The following REXO4 variants were observed in gnomAD, a reference collection of about 807,000 sequenced individuals.
REXO4 encodes the protein RNA exonuclease 4, also known as REX4 homolog, 3'-5' exonuclease.
Under a neutral mutation model 39.9 loss-of-function variants are expected in REXO4, and 29 were observed. The ratio of observed to expected loss-of-function variants is 0.73; its 90% CI spans 0.54 to 0.99. The LOEUF (loss-of-function observed/expected upper bound fraction) is 0.99, where lower values mean the gene tolerates loss of function less well. Ranked by LOEUF, REXO4 falls within the 50% of genes least tolerant of loss-of-function variation. The pLI, the probability that REXO4 is intolerant of heterozygous loss-of-function variation, is 0.00. For missense variants in REXO4, 524 were observed against 546.5 expected (o/e 0.96, Z 0.41); for synonymous variants, 184 against 206.2 (o/e 0.89, Z 0.92).
rs181343226 is a variant in REXO4 at position 133,406,834 on chromosome 9, C to T, written c.*119G>A. ...TTCTCAGTAGCACCACGCCACGCCC[C>T]TCTGCCATGATTCTGAAAAGGTTTC... On this transcript the variant is annotated 3_prime_UTR_variant, in exon 8 of 8. Coordinates refer to ENST00000371942, the MANE Select transcript of REXO4 (RefSeq NM_020385.4). The T allele has an allele frequency of 2.6e-5, 38 of 1,475,160 alleles. No homozygotes were observed. The African/African-American group carries it at 5.1e-4, about 20-fold the overall frequency. 91.4% of individuals were successfully genotyped at this position (1,475,160 alleles called of 1,614,324 possible). A position where few individuals can be genotyped will look rare whatever the true frequency, so the allele number is the denominator to read the frequency against.
chr9:133,414,575 C>T (rs782478088), intron 2 of REXO4, 90 bp downstream of exon 2: 2 of 1,106,462 alleles, frequency 1.8e-6, no homozygotes, highest in South Asian at 2.5e-5. Flanking sequence ...GATGGAGAGA[C>T]TGCGGTGAGG....
rs587767377 is a variant in REXO4, at chr9:133,406,930, G to A, written c.*23C>T. 1.9e-6 allele frequency: 3 copies of A among 1,604,424 alleles called. No individual in the cohort carries two copies. Among genetic ancestry groups the A allele is most frequent in the East Asian group, 2.2e-5 (1 of 44,746 alleles). On this transcript the variant is annotated 3_prime_UTR_variant, in exon 8 of 8. Transcript: ENST00000371942. ...GTCACATTGCCTCTGTAGCGGGGCG[G>A]CAGCAGCAGCAGGGCAGGACTGCTA...
Position 133,410,985 on chromosome 9 carries a change from C to G in REXO4, c.999G>C (p.Lys333Asn). The change falls in exon 5 of 8, where the codon AAG (lysine) becomes AAC (asparagine). Residue 333 changes from lysine (K) to asparagine (N), a missense_variant and splice_region_variant. Lys to Asn is a moderately conservative substitution (Grantham distance 94). Transcript: ENST00000371942. ...LVGHALHNDL[K>N]VLFLDHPKKK... ...GAGTCCCCAGGAGAGAGCCCAGTAC[C>G]TTTAGGTCATTATGCAGAGCGTGCC... The G allele has an allele frequency of 6.2e-7, 1 of 1,613,566 alleles. No individual in the cohort carries two copies.
At position 133,412,801 on chromosome 9, in the gene REXO4, G is replaced by A. The variant is rs377178139; in HGVS notation, c.693C>T (p.Leu231=). The A allele has an allele frequency of 5.0e-6, 8 of 1,613,240 alleles. No homozygotes were observed. The African/African-American group carries it at 6.7e-5, about 13-fold the overall frequency. Residue 231 remains leucine, a synonymous_variant, in exon 3 of 8, where the codon CTC becomes CTT. Coordinates refer to ENST00000371942, the MANE Select transcript of REXO4 (RefSeq NM_020385.4). ...GQSEGSVSLS[L]VKEQAFGGLT... is the part of the protein sequence containing the mutation. ...ACCCGCCGAAGGCCTGCTCTTTCAC[G>A]AGGCTGAGGCTGACGCTGCCCTCGC...
At chr9:133,415,393 C>G (rs1839520776) in intron 1 of REXO4, among the ~76,000 whole-genome samples, 1 of 151,942 alleles carries the variant, frequency 6.6e-6, no homozygotes, top group African/African-American at 2.4e-5. Flanking sequence ...GGGCCAACAT[C>G]CTGCTACACA....
chr9:133,409,676 C>T (rs1839109201), intron 5 of REXO4, among the ~76,000 whole-genome samples: 1 of 152,098 alleles, frequency 6.6e-6, no homozygotes, highest in Non-Finnish European at 1.5e-5. Flanking sequence ...ATCCTCCTAC[C>T]CCAGTCTCCT....
At chr9:133,414,356 C>T (rs1045600442) in intron 2 of REXO4, 14 of 578,464 alleles carry the variant, frequency 2.4e-5, no homozygotes, top group South Asian at 4.6e-5. Context: ...CCCCAAACCA[C>T]CCAACTGGCG....
rs1554781979 is a variant in REXO4 at position 133,417,725 on chromosome 9, G to C, written c.120C>G (p.Ser40Arg). The C allele has an allele frequency of 3.1e-6, 5 of 1,614,116 alleles. No homozygotes were observed. Among genetic ancestry groups the C allele is most frequent in the Non-Finnish European group, 4.2e-6 (5 of 1,179,992 alleles). The stretch of plus-strand genomic sequence containing the variant: ...GCTTCTTGCTTACTTCCCGCGCCTT[G>C]CTTTTCCAAAACCTTTTTTTCTTCT... ...KNKKKKRFWK[S>R]KAREVSKKPA... The change falls in exon 1 of 8, where the codon AGC becomes AGG. Residue 40 changes from serine (S) to arginine (R), a missense_variant. Transcript: ENST00000371942.
intron 1 of REXO4, among the ~76,000 whole-genome samples, chr9:133,416,685 G>A (rs913708176): frequency 1.3e-5 from 2 of 152,168 alleles, no homozygotes; most frequent in African/African-American, 4.8e-5. Flanking sequence ...GAGACAGCAG[G>A]TACAACACAG....
At chr9:133,410,409 C>T (rs1485194006) in intron 5 of REXO4, among the ~76,000 whole-genome samples, 1 of 152,262 alleles carries the variant, frequency 6.6e-6, no homozygotes, top group Non-Finnish European at 1.5e-5. Flanking sequence ...AGATGGCAGG[C>T]TGCCCTCCCC....
At position 133,408,427 on chromosome 9, in the gene REXO4, C is replaced by G. The variant is rs1554779415; in HGVS notation, c.1074+341G>C. Among the ~76,000 whole-genome samples, 4 of 151,734 alleles carry G rather than the reference C, an allele frequency of 2.6e-5. 1 individual carries two copies. Among genetic ancestry groups the G allele is most frequent in the African/African-American group, 9.7e-5 (4 of 41,264 alleles). ...TGAGCCAAGATTATGCCATTGCACT[C>G]CAGCCTGGGTGACAGAGCAAGACCC... On this transcript the variant is annotated intron_variant, in intron 6 of 7. Transcript: ENST00000371942.
intron 5 of REXO4, among the ~76,000 whole-genome samples, chr9:133,409,168 T>C (rs949774176): frequency 4.6e-5 from 7 of 152,142 alleles, no homozygotes; most frequent in Non-Finnish European, 8.8e-5. Context: ...GGTTTTGCCA[T>C]GTTGGCCAGG....
chr9:133,417,869 C>A lies in REXO4; in HGVS notation c.-25G>T. ...TCCTGCTGCCGTCCAGCGCCTGGGC[C>A]GGCGGCCACCCGAGACCCCGGCCTC... is the stretch of plus-strand genomic sequence containing the variant. On this transcript the variant is annotated 5_prime_UTR_variant, in exon 1 of 8. Coordinates refer to ENST00000371942, the MANE Select transcript of REXO4 (RefSeq NM_020385.4). 1 of 1,592,250 alleles carries A rather than the reference C, an allele frequency of 6.3e-7. No homozygotes were observed. The highest frequency in any genetic ancestry group is 1.1e-5 in the South Asian group (1 of 90,788).
rs1839064696 is a variant in REXO4 at position 133,408,934 on chromosome 9, T to TGTGTGTGTGTG, written c.1000-93_1000-92insCACACACACAC. 681 of 321,996 alleles carry TGTGTGTGTGTG rather than the reference T, an allele frequency of 2.1e-3. 69 individuals are homozygous for TGTGTGTGTGTG. Among genetic ancestry groups the TGTGTGTGTGTG allele is most frequent in the East Asian group, 8.5e-3 (113 of 13,276 alleles). The allele number at this position is 321,996 out of a possible 1,614,324, so 19.9% of individuals were successfully genotyped here. A position where few individuals can be genotyped will look rare whatever the true frequency, so the allele number is the denominator to read the frequency against. ...CCGCCACCTTTTGCAAGTAACATCTTTGTGTGTGTGTGTGTGTGTGTGTGT... is the reference window on the plus strand; with the variant it reads ...CCGCCACCTTTTGCAAGTAACATCTTGTGTGTGTGTGTGTGTGTGTGTGTGTGTGTGTGTGT... On this transcript the variant is annotated intron_variant, in intron 5 of 7. Transcript: ENST00000371942.
At position 133,406,795 on chromosome 9, in the gene REXO4, G is replaced by A. The variant is rs1564389088; in HGVS notation, c.*158C>T. Reference sequence around the variant, plus strand: ...ACCAGGTTTCAGACCACAAAGTCAAGAGGAAGGAGGACCTTCTCAGTAGCA... The same window carrying A: ...ACCAGGTTTCAGACCACAAAGTCAAAAGGAAGGAGGACCTTCTCAGTAGCA... On this transcript the variant is annotated 3_prime_UTR_variant, in exon 8 of 8. Coordinates refer to ENST00000371942, the MANE Select transcript of REXO4 (RefSeq NM_020385.4). 2.0e-5 allele frequency: 21 copies of A among 1,072,622 alleles called. No homozygotes were observed. The highest frequency in any genetic ancestry group is 6.3e-5 in the African/African-American group (4 of 63,728). 66.4% of individuals were successfully genotyped at this position (1,072,622 alleles called of 1,614,324 possible).
At chr9:133,413,953 T>C (rs1230681027) in intron 2 of REXO4, among the ~76,000 whole-genome samples, 1 of 152,244 alleles carries the variant, frequency 6.6e-6, no homozygotes, top group Non-Finnish European at 1.5e-5. Flanking sequence ...GACTGTGTCC[T>C]GAACACCCAG....
rs782785319 is a variant in REXO4, at chr9:133,417,600, C to T, written c.225+20G>A. 4 of 1,610,186 alleles carry T rather than the reference C, an allele frequency of 2.5e-6. No homozygotes were observed. In the Admixed American group the frequency reaches 6.7e-5, roughly 27 times the overall value. ...GGAATGAGCTGCGCAGCGCTCCGCC[C>T]GGGCCCCCTCAAGCCTCACCTCTTG... On this transcript the variant is annotated intron_variant, in intron 1 of 7. Coordinates refer to ENST00000371942, the MANE Select transcript of REXO4 (RefSeq NM_020385.4).
intron 1 of REXO4, among the ~76,000 whole-genome samples, chr9:133,416,249 AGAGT>A (rs1554781538): frequency 1.3e-5 from 2 of 152,220 alleles, no homozygotes; most frequent in African/African-American, 4.8e-5. Context: ...ATGAACCAGC[AGAGT>A]GAGAACTTAC....
chr9:133,409,436 A>C (rs1554779687), intron 5 of REXO4, among the ~76,000 whole-genome samples: 1 of 152,240 alleles, frequency 6.6e-6, no homozygotes, highest in African/African-American at 2.4e-5. Flanking sequence ...GGAGAAAAAC[A>C]GTCAACAGTT....
Sources: gnomAD v4.1 joint callset for allele counts (sites outside exome capture counted in the v4.1 genomes callset) on GRCh38, gnomAD v4.1.1 for gene constraint, MANE v1.5 for transcripts, NCBI Gene and HGNC (gene_info 2026-07-23, HGNC 2026-07-21) for gene names.